Variants in PHF20L1 observed in about 807,000 individuals in gnomAD.
PHF20L1 encodes PHD finger protein 20-like protein 1.
A neutral mutation model predicts 125.5 loss-of-function variants in PHF20L1; 44 were observed. That is an observed-to-expected ratio of 0.35 (90% CI 0.28 to 0.45). The LOEUF (loss-of-function observed/expected upper bound fraction) is 0.45, where lower values mean the gene tolerates loss of function less well. PHF20L1 is among the 20% of genes least tolerant of loss of function. PHF20L1 has a pLI of 1.00. For missense variants in PHF20L1, 1,012 were observed against 1,217.2 expected, an observed-to-expected ratio of 0.83 and a Z score of 2.51; for synonymous variants, 380 against 403.1, an observed-to-expected ratio of 0.94 and a Z score of 0.69.
At chr8:132,818,643 T>G (rs1262887048) in intron 12 of PHF20L1, 1 of 151,888 alleles carries the variant, frequency 6.6e-6, no homozygotes, top group Non-Finnish European at 1.5e-5. Context: ...TTTGAAACAT[T>G]TCCTGTAGTT....
intron 4 of PHF20L1, among the ~76,000 whole-genome samples, chr8:132,795,140 T>C (rs139190381): frequency 2.6e-5 from 4 of 152,272 alleles, no homozygotes; most frequent in African/African-American, 9.6e-5. Flanking sequence ...TTTATGAACA[T>C]CTACCCAAGA....
chr8:132,844,353 A>G (rs1295441880), intron 20 of PHF20L1, 35 bp downstream of exon 20: 1 of 1,516,002 alleles, frequency 6.6e-7, no homozygotes, highest in Non-Finnish European at 9.0e-7. Context: ...CAGTTACTAT[A>G]GTGAATTTAT....
chr8:132,839,666 G>A, intron 18 of PHF20L1, 84 bp downstream of exon 18: 1 of 902,524 alleles, frequency 1.1e-6, no homozygotes, highest in Non-Finnish European at 1.8e-6. Context: ...TGATGGTCCA[G>A]AGTAACAGTT....
At chr8:132,788,081 T>G (rs1182494568) in intron 2 of PHF20L1, among the ~76,000 whole-genome samples, 2 of 152,134 alleles carry the variant, frequency 1.3e-5, no homozygotes, top group Admixed American at 6.6e-5. Context: ...TAAGTCATAT[T>G]TTAGGTGTAT....
chr8:132,790,112 AAAC>A (rs532217438), intron 2 of PHF20L1, among the ~76,000 whole-genome samples: 155 of 152,328 alleles, frequency 1.0e-3, no homozygotes, highest in African/African-American at 3.6e-3. Flanking sequence ...AAAAATGACA[AAAC>A]AACAACATTA....
At chr8:132,792,586 G>A (rs1454828416) in intron 2 of PHF20L1, among the ~76,000 whole-genome samples, 2 of 152,058 alleles carry the variant, frequency 1.3e-5, no homozygotes, top group African/African-American at 2.4e-5. Context: ...TCTTTAAAGC[G>A]GCTTCTTACG....
At chr8:132,837,633 A>G in intron 16 of PHF20L1, 79 bp from the exon 17 acceptor site, 1 of 1,124,642 alleles carries the variant, frequency 8.9e-7, no homozygotes, top group Admixed American at 1.8e-5. Flanking sequence ...AGCCAATTCA[A>G]AGAAAGGGCA....
At chr8:132,837,917 G>A (rs977439995) in intron 17 of PHF20L1, 106 bp downstream of exon 17, 8 of 729,444 alleles carry the variant, frequency 1.1e-5, no homozygotes, top group Non-Finnish European at 1.9e-5. Context: ...GTTCTCACAT[G>A]ATGTCATTGA....
Position 132,839,495 on chromosome 8 carries a change from AG to A in PHF20L1, c.2301del (p.Ile768Ter). 1 of 1,613,392 alleles carries A rather than the reference AG, an allele frequency of 6.2e-7. No homozygotes were observed. Among genetic ancestry groups the A allele is most frequent in the South Asian group, 1.1e-5 (1 of 91,070 alleles). ...AATTATTCTCATCTCAATGCCAAAA[AG>A]ATAGTTTCTACACATCACCTGCTTG... is the stretch of plus-strand genomic sequence containing the variant. The part of the protein sequence containing the change: ...KENYSHLNAK[K>X]IVSTHHLLAD... On this transcript the variant is annotated frameshift_variant, in exon 18 of 21. Coordinates refer to ENST00000395386, the MANE Select transcript of PHF20L1 (RefSeq NM_016018.5). LOFTEE classifies it high-confidence loss of function.
At chr8:132,800,697 A>G (rs1832946762) in intron 6 of PHF20L1, among the ~76,000 whole-genome samples, 1 of 151,700 alleles carries the variant, frequency 6.6e-6, no homozygotes, top group South Asian at 2.1e-4. Context: ...GAAGTAATTA[A>G]TATTCTTAAG....
intron 18 of PHF20L1, among the ~76,000 whole-genome samples, chr8:132,840,741 T>C (rs1463025529): frequency 6.6e-6 from 1 of 152,104 alleles, no homozygotes; most frequent in African/African-American, 2.4e-5. Context: ...CCTTTCATAA[T>C]TACCTGCCCA....
intron 16 of PHF20L1, among the ~76,000 whole-genome samples, 181 bp downstream of exon 16, chr8:132,836,902 T>C (rs1361030117): frequency 6.6e-6 from 1 of 152,126 alleles, no homozygotes; most frequent in Non-Finnish European, 1.5e-5. Context: ...GTAGACAATG[T>C]TCTTATTTTA....
At chr8:132,803,401 T>C (rs192656802) in intron 6 of PHF20L1, 1 of 157,370 alleles carries the variant, frequency 6.4e-6, no homozygotes, top group Admixed American at 6.5e-5. Flanking sequence ...TTTTTAATCT[T>C]TGTAGAATTG....
At chr8:132,793,643 T>G (rs2739045) in intron 2 of PHF20L1, among the ~76,000 whole-genome samples, 88,497 of 151,986 alleles carry the variant, frequency 0.58, 26,494 homozygotes, top group Admixed American at 0.66. Flanking sequence ...GAAGCAACTT[T>G]CCTTGTAAAA....
rs1836054324 is a variant in PHF20L1, at chr8:132,825,355, G to T, written c.1728G>T (p.Lys576Asn). The T allele has an allele frequency of 6.6e-7, 1 of 1,506,926 alleles. No individual in the cohort carries two copies. Among genetic ancestry groups the T allele is most frequent in the Non-Finnish European group, 9.0e-7 (1 of 1,115,966 alleles). The allele number at this position is 1,506,926 out of a possible 1,614,324, so 93.3% of individuals were successfully genotyped here. The change falls in exon 14 of 21, where the codon AAG (lysine) becomes AAT (asparagine). Residue 576 changes from lysine (K) to asparagine (N), a missense_variant. Physicochemically the swap from Lys to Asn is moderately conservative, Grantham distance 94. Coordinates refer to ENST00000395386, the MANE Select transcript of PHF20L1 (RefSeq NM_016018.5). ...PKQKKKKKKK[K>N]KSKQHDYSDY... is the part of the protein sequence containing the mutation. The stretch of plus-strand genomic sequence containing the variant: ...AGAAGAAGAAGAAAAAAAAGAAAAA[G>T]AAATCTAAGCAACATGGTAAGTACA...
At chr8:132,821,567 C>CT (rs1835600733) in intron 12 of PHF20L1, among the ~76,000 whole-genome samples, 1 of 151,954 alleles carries the variant, frequency 6.6e-6, no homozygotes, top group African/African-American at 2.4e-5. Context: ...GCTGGAGACT[C>CT]TGTTGCCTCC....
Position 132,836,573 on chromosome 8 carries a change from C to T in PHF20L1, c.1943C>T (p.Ser648Leu), listed in dbSNP as rs1389038250. The change falls in exon 16 of 21, where the codon TCA becomes TTA. Residue 648 changes from serine (S) to leucine (L), a missense_variant. Physicochemically the swap from Ser to Leu is moderately radical, Grantham distance 145 (BLOSUM62 -2). This residue lies in a region of PHF20L1 where 320 missense variants were observed against 293.8 expected (regional missense o/e 1.09). Transcript: ENST00000395386. Reference protein sequence around the residue: ...LSDVDFLDDSSTESLLLSGDE... With the variant: ...LSDVDFLDDSLTESLLLSGDE... ...GATGTAGACTTCCTAGATGATTCTT[C>T]AACGGAGAGTTTGCTTCTGAGTGGG... 1 of 1,611,624 alleles carries T rather than the reference C, an allele frequency of 6.2e-7. No homozygotes were observed. The highest frequency in any genetic ancestry group is 1.7e-5 in the Admixed American group (1 of 59,912).
rs1386632103 is a variant in PHF20L1, at chr8:132,847,961, G to A, written c.*2038G>A. On this transcript the variant is annotated 3_prime_UTR_variant, in exon 21 of 21. Coordinates refer to ENST00000395386, the MANE Select transcript of PHF20L1 (RefSeq NM_016018.5). ...GTGGCTCTAATATTTTCCCTGTCAT[G>A]GCTACATTCTAGACATTGAATTTAT... The A allele has an allele frequency of 4.0e-5, 6 of 151,864 alleles. 1 individual carries two copies. The South Asian group carries it at 6.2e-4, about 16-fold the overall frequency. The allele number at this position is 151,864 out of a possible 1,614,324, so 9.4% of individuals were successfully genotyped here.
chr8:132,838,083 G>A (rs1289452930), intron 17 of PHF20L1: 1 of 265,358 alleles, frequency 3.8e-6, no homozygotes, highest in Admixed American at 4.6e-5. Flanking sequence ...AGGACTCACT[G>A]TACTTCTTGG....
Sources: gnomAD v4.1 joint callset for allele counts (sites outside exome capture counted in the v4.1 genomes callset) on GRCh38, gnomAD v4.1.1 for gene constraint, gnomAD v4.1.1 regional missense constraint, MANE v1.5 for transcripts, NCBI Gene and HGNC (gene_info 2026-07-23, HGNC 2026-07-21) for gene names.